The following ZFAT variants were observed in gnomAD, a reference collection of about 807,000 sequenced individuals.
ZFAT encodes the protein zinc finger protein ZFAT.
ZFAT carries 64 observed loss-of-function variants against 117.7 expected under a neutral mutation model. The observed-to-expected ratio is 0.54, with a 90% confidence interval of 0.44 to 0.67. The LOEUF is 0.67. Among genes scored for constraint, ZFAT ranks in the 30% least tolerant of loss-of-function variants. ZFAT has a pLI of 0.00. For synonymous variants in ZFAT, 679 were observed against 615.0 expected, an observed-to-expected ratio of 1.10 and a Z score of -1.54; for missense variants, 1,433 against 1,584.5, an observed-to-expected ratio of 0.90 and a Z score of 1.62.
intron 1 of ZFAT, among the ~76,000 whole-genome samples, chr8:134,697,588 G>C (rs1417533398): frequency 6.6e-6 from 1 of 151,036 alleles, no homozygotes; most frequent in African/African-American, 2.4e-5. Flanking sequence ...TTAGCCGGGC[G>C]TGGTAGCGGG....
intron 15 of ZFAT, among the ~76,000 whole-genome samples, chr8:134,480,118 C>T (rs1817192351): frequency 6.6e-6 from 1 of 152,096 alleles, no homozygotes; most frequent in South Asian, 2.1e-4. Flanking sequence ...TGTGCCACCA[C>T]ACCCAATGAA....
intron 11 of ZFAT, among the ~76,000 whole-genome samples, chr8:134,547,109 A>G (rs967555173): frequency 6.6e-6 from 1 of 152,186 alleles, no homozygotes. Flanking sequence ...TCTTGCAGAC[A>G]AGGCCCTGCG....
chr8:134,658,929 C>A (rs923701851), intron 1 of ZFAT, among the ~76,000 whole-genome samples: 3 of 152,156 alleles, frequency 2.0e-5, no homozygotes, highest in African/African-American at 7.2e-5. Context: ...CAGCAAGAAC[C>A]CAGCAGACAC....
At chr8:134,519,024 G>C (rs963948668) in intron 13 of ZFAT, among the ~76,000 whole-genome samples, 2 of 152,112 alleles carry the variant, frequency 1.3e-5, no homozygotes, top group Non-Finnish European at 2.9e-5. Flanking sequence ...CACACTTAGA[G>C]AGATTTCATA....
chr8:134,651,746 T>A (rs565797469), intron 2 of ZFAT, among the ~76,000 whole-genome samples: 1 of 152,290 alleles, frequency 6.6e-6, no homozygotes, highest in East Asian at 1.9e-4. Context: ...CAGTTTATAT[T>A]CTTCTAAAAT....
chr8:134,509,857 T>G (rs1037774420), intron 14 of ZFAT, 108 bp from the exon 15 acceptor site: 3 of 1,380,512 alleles, frequency 2.2e-6, no homozygotes, highest in Non-Finnish European at 2.9e-6. Context: ...CTCCAGAGGA[T>G]GCATGGGCTC....
Position 134,550,324 on chromosome 8 carries a change from A to AC in ZFAT, c.2976+15008_2976+15009insG, listed in dbSNP as rs1563837012. 2.6e-3 allele frequency among the ~76,000 whole-genome samples: 394 copies of AC among 151,392 alleles called. 3 individuals carry two copies. The highest frequency in any genetic ancestry group is 9.1e-3 in the African/African-American group (376 of 41,248). On this transcript the variant is annotated intron_variant, in intron 11 of 15. Transcript: ENST00000377838. ...TGGTCACAACGGAAAAAAAAAAAAA[A>AC]AAAAAAAACAGCACAGGGTAAAGAT...
intron 14 of ZFAT, chr8:134,510,014 T>C (rs1349573767): frequency 2.1e-6 from 1 of 486,066 alleles, no homozygotes; most frequent in South Asian, 1.6e-5. Flanking sequence ...AGAAGCCTCA[T>C]TTGGGCCACT....
chr8:134,599,658 C>T (rs888817427), intron 7 of ZFAT: 1 of 412,358 alleles, frequency 2.4e-6, no homozygotes, highest in South Asian at 1.8e-5. Context: ...CATGGTAGCA[C>T]ATCAAATGTC....
At chr8:134,774,042 C>T in the ZFAT span, among the ~76,000 whole-genome samples, 5 of 121,586 alleles carry the variant, frequency 4.1e-5, no homozygotes, top group East Asian at 1.3e-3. Context: ...GTGGCCCAGG[C>T]TGGAGTGCAG....
At chr8:134,531,459 A>G (rs1821398319) in intron 12 of ZFAT, among the ~76,000 whole-genome samples, 1 of 152,246 alleles carries the variant, frequency 6.6e-6, no homozygotes, top group Non-Finnish European at 1.5e-5. Flanking sequence ...ATGTTCCGAA[A>G]AAAATATACA....
At chr8:134,614,002 G>A (rs747650741) in intron 3 of ZFAT, among the ~76,000 whole-genome samples, 42 of 152,276 alleles carry the variant, frequency 2.8e-4, no homozygotes, top group Middle Eastern at 3.4e-3. Context: ...TGTTAAACTC[G>A]TTTTTAACCA....
the ZFAT span, among the ~76,000 whole-genome samples, chr8:134,735,667 G>A: frequency 6.6e-6 from 1 of 152,128 alleles, no homozygotes; most frequent in Non-Finnish European, 1.5e-5. Flanking sequence ...TGCAACCTGA[G>A]TGAGTGGGAT....
intron 2 of ZFAT, among the ~76,000 whole-genome samples, chr8:134,645,086 G>A (rs530200315): frequency 6.6e-6 from 1 of 152,312 alleles, no homozygotes; most frequent in South Asian, 2.1e-4. Flanking sequence ...ATGAGGAAAA[G>A]AGAAGGAAAA....
chr8:134,724,655 C>T, the ZFAT span, among the ~76,000 whole-genome samples: 1 of 152,204 alleles, frequency 6.6e-6, no homozygotes, highest in Non-Finnish European at 1.5e-5. Context: ...CTGGTTTCGT[C>T]ACTTAAAGTC....
At chr8:134,554,460 T>C (rs965474644) in intron 11 of ZFAT, among the ~76,000 whole-genome samples, 5 of 152,240 alleles carry the variant, frequency 3.3e-5, no homozygotes, top group African/African-American at 1.2e-4. Flanking sequence ...GTCCTACTTT[T>C]ATCTCCAGCA....
At chr8:134,636,501 A>G (rs1830219362) in intron 3 of ZFAT, among the ~76,000 whole-genome samples, 1 of 152,172 alleles carries the variant, frequency 6.6e-6, no homozygotes, top group Admixed American at 6.6e-5. Context: ...TTCCAATTTT[A>G]CGGATGAGGA....
chr8:134,565,434 G>A lies in ZFAT; in HGVS notation c.2888-13C>T, dbSNP rs199559419. The stretch of plus-strand genomic sequence containing the variant: ...TTAAACTGCTTCCCTGGAAAGAAGC[G>A]GAGGACAAGATGAGCGTCGCCAGGC... On this transcript the variant is annotated splice_polypyrimidine_tract_variant and intron_variant, in intron 10 of 15. Coordinates refer to ENST00000377838, the MANE Select transcript of ZFAT (RefSeq NM_020863.4). 1,288 of 1,611,064 alleles carry A rather than the reference G, an allele frequency of 8.0e-4. No individual in the cohort carries two copies. The highest frequency in any genetic ancestry group is 1.0e-3 in the Admixed American group (62 of 59,328).
chr8:134,608,324 T>C (rs1586807742), intron 5 of ZFAT, among the ~76,000 whole-genome samples: 1 of 152,368 alleles, frequency 6.6e-6, no homozygotes, highest in Non-Finnish European at 1.5e-5. Flanking sequence ...GTGAGCCTTC[T>C]GCAACACACT....
Sources: gnomAD v4.1 joint callset for allele counts (sites outside exome capture counted in the v4.1 genomes callset) on GRCh38, gnomAD v4.1.1 for gene constraint, MANE v1.5 for transcripts, NCBI Gene and HGNC (gene_info 2026-07-23, HGNC 2026-07-21) for gene names.